KIF1A: variants seen among roughly 807,000 people sequenced by gnomAD.
KIF1A encodes kinesin family member 1A.
A neutral mutation model predicts 227.3 loss-of-function variants in KIF1A; 46 were observed. The observed-to-expected ratio is 0.20, with a 90% CI of 0.16 to 0.26. The LOEUF (loss-of-function observed/expected upper bound fraction) is 0.26, where lower values mean the gene tolerates loss of function less well. Ranked by LOEUF, KIF1A falls within the 10% of genes least tolerant of loss-of-function variation. The pLI is 1.00. For missense variants in KIF1A, 1,683 were observed against 2,485.9 expected (o/e 0.68, Z 6.87); for synonymous variants, 1,022 against 1,012.8 (o/e 1.01, Z -0.17).
At chr2:240,720,088 A>G (rs1013589761) in intron 45 of KIF1A, 162 bp from the exon 46 acceptor site, 8 of 589,404 alleles carry the variant, frequency 1.4e-5, no homozygotes, top group African/African-American at 3.9e-5. Context: ...GGGCCCGTCC[A>G]CCAGGATAGC....
At position 240,750,489 on chromosome 2, in the gene KIF1A, T is replaced by C; in HGVS notation, c.2917A>G (p.Ile973Val). 1 of 1,613,886 alleles carries C rather than the reference T, an allele frequency of 6.2e-7. No homozygotes were observed. Among genetic ancestry groups the C allele is most frequent in the South Asian group, 1.1e-5 (1 of 91,080 alleles). ...TTCACCTCGCCCTTCTCGCTGACGA[T>C]TGCCACACGGTGTACCAGGGGAACG... ...YPVPLVHRVA[I>V]VSEKGEVKGF... is the part of the protein sequence containing the mutation. The change falls in exon 28 of 49, where the codon ATC becomes GTC. Residue 973 changes from isoleucine to valine, a missense_variant. Ile to Val is a conservative substitution (Grantham distance 29). Coordinates refer to ENST00000498729, the MANE Select transcript of KIF1A (RefSeq NM_001244008.2).
At position 240,714,338 on chromosome 2, in the gene KIF1A, T is replaced by C. The variant is rs1279507501; in HGVS notation, c.*3026A>G. 3 of 152,350 alleles carry C rather than the reference T, an allele frequency of 2.0e-5. No homozygotes were observed. The highest frequency in any genetic ancestry group is 2.0e-4 in the Admixed American group (3 of 15,282). 9.4% of individuals were successfully genotyped at this position (152,350 alleles called of 1,614,324 possible). ...CCTTGGACTTGGCACCCCTAGGCAC[T>C]GGCCGTGTCCCATCAGATCCCAAGT... On this transcript the variant is annotated 3_prime_UTR_variant, in exon 49 of 49. Coordinates refer to ENST00000498729, the MANE Select transcript of KIF1A (RefSeq NM_001244008.2).
intron 32 of KIF1A, 40 bp from the exon 33 acceptor site, chr2:240,744,100 AG>A (rs1399328933): frequency 7.5e-7 from 1 of 1,331,046 alleles, no homozygotes; most frequent in Non-Finnish European, 1.1e-6. Context: ...GGGCACGGCC[AG>A]GTCACATTCA....
intron 24 of KIF1A, 57 bp from the exon 25 acceptor site, chr2:240,760,900 C>A: frequency 6.7e-7 from 1 of 1,500,830 alleles, no homozygotes; most frequent in South Asian, 1.3e-5. Flanking sequence ...GTGCCAGGTC[C>A]CCAAAAAGGC....
intron 17 of KIF1A, among the ~76,000 whole-genome samples, chr2:240,768,567 G>A (rs938233363): frequency 6.6e-6 from 1 of 152,048 alleles, no homozygotes; most frequent in Non-Finnish European, 1.5e-5. Context: ...TGCCCCACCT[G>A]GGCTGCTGTG....
intron 20 of KIF1A, 99 bp from the exon 21 acceptor site, chr2:240,763,445 G>C (rs2050774250): frequency 8.8e-7 from 1 of 1,142,562 alleles, no homozygotes; most frequent in African/African-American, 1.6e-5. Context: ...AACGGGTGCA[G>C]GCACCCCACC....
At chr2:240,756,730 A>G (rs1575580485) in intron 27 of KIF1A, among the ~76,000 whole-genome samples, 1 of 152,248 alleles carries the variant, frequency 6.6e-6, no homozygotes. Flanking sequence ...AAGTGGCCTC[A>G]GGATGGCTGC....
intron 23 of KIF1A, 110 bp from the exon 24 acceptor site, chr2:240,761,487 C>T (rs1185706714): frequency 1.9e-6 from 2 of 1,027,770 alleles, no homozygotes; most frequent in Admixed American, 2.9e-5. Flanking sequence ...GCTGCCTAAG[C>T]TGACCCTGTG....
chr2:240,769,047 G>A, intron 17 of KIF1A, 86 bp downstream of exon 17: 1 of 1,208,874 alleles, frequency 8.3e-7, no homozygotes, highest in South Asian at 1.3e-5. Context: ...CTACTTCCAG[G>A]AGCCCCCTCT....
intron 27 of KIF1A, among the ~76,000 whole-genome samples, chr2:240,754,696 G>A (rs1417852177): frequency 6.6e-6 from 1 of 152,188 alleles, no homozygotes; most frequent in Non-Finnish European, 1.5e-5. Context: ...ACATCAGTTG[G>A]GAACCAGAGC....
chr2:240,740,115 G>A lies in KIF1A; in HGVS notation c.3844C>T (p.Leu1282=). The A allele has an allele frequency of 1.3e-6, 2 of 1,590,844 alleles. No homozygotes were observed. Among genetic ancestry groups the A allele is most frequent in the Non-Finnish European group, 1.7e-6 (2 of 1,169,248 alleles). ...QGIQRRITVT[L]LHETGSHIRW... is the part of the protein sequence containing the mutation. ...ATATGGCTGCCTGTCTCATGCAGTA[G>A]TGTCACCGTAATCCGTCGCTGGATG... Residue 1282 remains leucine (L), a synonymous_variant, in exon 37 of 49, where the codon CTA becomes TTA. Coordinates refer to ENST00000498729, the MANE Select transcript of KIF1A (RefSeq NM_001244008.2). This position sits in a 1 kb window ranked among gnomAD's most constrained non-coding sequence, Gnocchi z 6.1.
chr2:240,765,044 T>C (rs2050993280), intron 20 of KIF1A, among the ~76,000 whole-genome samples: 1 of 152,218 alleles, frequency 6.6e-6, no homozygotes, highest in Non-Finnish European at 1.5e-5. Context: ...CTAGACATGG[T>C]TGTACGTTAT....
At chr2:240,720,009 G>A in intron 45 of KIF1A, 83 bp from the exon 46 acceptor site, 2 of 1,450,038 alleles carry the variant, frequency 1.4e-6, no homozygotes, top group South Asian at 2.7e-5. Context: ...CCTCCTCAGA[G>A]CACCTCAGAA....
At chr2:240,727,565 A>G (rs1002823356) in intron 38 of KIF1A, among the ~76,000 whole-genome samples, 1 of 152,316 alleles carries the variant, frequency 6.6e-6, no homozygotes, top group Admixed American at 6.5e-5. Flanking sequence ...GATGCTTGGC[A>G]TGGAGGCAGG....
chr2:240,774,397 C>A (rs1163676964), intron 11 of KIF1A, 136 bp from the exon 12 acceptor site: 62 of 424,728 alleles, frequency 1.5e-4, no homozygotes, highest in East Asian at 6.2e-4. Context: ...GCTTACCCCC[C>A]CCCCCACCCC....
In KIF1A at chr2:240,771,022, G is replaced by A. The variant is rs369856336; in HGVS notation, c.1290C>T (p.His430=). The part of the protein sequence containing the change: ...SSRAASVSSL[H]ERILFAPGSE... ...TGCCCGGGGCAAACAAGATGCGCTC[G>A]TGGAGGCTGGACACGGAGGCCGCGC... Residue 430 remains histidine, a synonymous_variant, in exon 15 of 49, where the codon CAC becomes CAT. Coordinates refer to ENST00000498729, the MANE Select transcript of KIF1A (RefSeq NM_001244008.2). The A allele has an allele frequency of 6.8e-6, 11 of 1,613,154 alleles. No individual in the cohort carries two copies. Among genetic ancestry groups the A allele is most frequent in the Middle Eastern group, 1.7e-4 (1 of 5,930 alleles).
rs1559496325 is a variant in KIF1A at position 240,746,180 on chromosome 2, G to T, written c.3064-3C>A. ...ACGGGGCAAGACTCGGACTGGAACTGATCAGAGGGGGACCAGAGTCAGAGA... is the reference window on the plus strand; with the variant it reads ...ACGGGGCAAGACTCGGACTGGAACTTATCAGAGGGGGACCAGAGTCAGAGA... On this transcript the variant is annotated splice_region_variant and splice_polypyrimidine_tract_variant and intron_variant, in intron 29 of 48. Transcript: ENST00000498729. 1 of 1,559,224 alleles carries T rather than the reference G, an allele frequency of 6.4e-7. No homozygotes were observed.
chr2:240,744,358 C>T (rs115232897), intron 32 of KIF1A, among the ~76,000 whole-genome samples: 9 of 152,294 alleles, frequency 5.9e-5, no homozygotes, highest in Middle Eastern at 3.4e-3. Flanking sequence ...CAAAGGGCAG[C>T]GCTGGTCTCT....
intron 10 of KIF1A, among the ~76,000 whole-genome samples, chr2:240,779,369 C>T (rs1490916934): frequency 9.4e-5 from 14 of 148,236 alleles, no homozygotes; most frequent in Non-Finnish European, 1.8e-4. Flanking sequence ...CACTCAGTTC[C>T]TCACTCAGTT....
Sources: gnomAD v4.1 joint callset for allele counts (sites outside exome capture counted in the v4.1 genomes callset) on GRCh38, gnomAD v4.1.1 for gene constraint, Gnocchi (gnomAD v3.1) non-coding constraint, MANE v1.5 for transcripts, NCBI Gene and HGNC (gene_info 2026-07-23, HGNC 2026-07-21) for gene names.